Variants in COMT observed in about 807,000 individuals in gnomAD.
COMT encodes the protein catechol O-methyltransferase.
A neutral mutation model predicts 18.9 loss-of-function variants in COMT; 13 were observed. The ratio of observed to expected loss-of-function variants is 0.69; its 90% CI spans 0.45 to 1.09. The LOEUF is 1.09. COMT is among the 50% of genes least tolerant of loss of function. COMT has a pLI of 0.00. For missense variants in COMT, 329 were observed against 361.8 expected, an observed-to-expected ratio of 0.91 and a Z score of 0.73; for synonymous variants, 150 against 160.9, an observed-to-expected ratio of 0.93 and a Z score of 0.51.
At chr22:19,955,884 A>G (rs1387135141) in intron 1 of COMT, among the ~76,000 whole-genome samples, 1 of 152,192 alleles carries the variant, frequency 6.6e-6, no homozygotes, top group Non-Finnish European at 1.5e-5. Flanking sequence ...GCCATTTCAG[A>G]GCACAACCTG....
intron 1 of COMT, among the ~76,000 whole-genome samples, chr22:19,949,051 C>T (rs1015893919): frequency 9.9e-5 from 15 of 150,998 alleles, no homozygotes; most frequent in Admixed American, 4.0e-4. Context: ...GACCTCATAA[C>T]ATAAAATTTC....
At chr22:19,955,258 AGATGAGCGCGGGG>A (rs1454980496) in intron 1 of COMT, among the ~76,000 whole-genome samples, 71 of 152,304 alleles carry the variant, frequency 4.7e-4, no homozygotes, top group African/African-American at 1.6e-3. Flanking sequence ...CTGGGTCCAG[AGATGAGCGCGGGG>A]CCTGGCTGCA....
At chr22:19,968,487 T>G (rs758703641) in intron 5 of COMT, 49 bp from the exon 6 acceptor site, 17 of 1,577,256 alleles carry the variant, frequency 1.1e-5, no homozygotes, top group Non-Finnish European at 1.5e-5. Context: ...GGGCAGGTTC[T>G]CTGGGCACCT....
intron 1 of COMT, among the ~76,000 whole-genome samples, chr22:19,955,597 C>A (rs373922169): frequency 6.6e-6 from 1 of 152,244 alleles, no homozygotes; most frequent in Admixed American, 6.5e-5. Context: ...AGAGCTGCCC[C>A]GTGTGTAAAC....
At chr22:19,964,530 G>C in intron 5 of COMT, 1 of 675,992 alleles carries the variant, frequency 1.5e-6, no homozygotes, top group South Asian at 1.7e-5. Context: ...TTGGGAACTG[G>C]GGAGCCAGCT....
intron 1 of COMT, among the ~76,000 whole-genome samples, chr22:19,948,954 CA>C (rs71186636): frequency 5.7e-3 from 494 of 86,838 alleles, no homozygotes; most frequent in South Asian, 0.016. Context: ...GACTCTGTCT[CA>C]AAAAAAAAAA....
intron 1 of COMT, among the ~76,000 whole-genome samples, chr22:19,944,459 G>T (rs1010910173): frequency 6.6e-6 from 1 of 152,050 alleles, no homozygotes; most frequent in Non-Finnish European, 1.5e-5. Flanking sequence ...GAACTGGGAG[G>T]TGGGGGGCTG....
chr22:19,960,968 C>T (rs557371831), intron 1 of COMT, among the ~76,000 whole-genome samples: 1 of 152,344 alleles, frequency 6.6e-6, no homozygotes, highest in South Asian at 2.1e-4. Context: ...CAGGAGACTG[C>T]CCCTGGGGTC....
rs753104108 is a variant in COMT, at chr22:19,962,487, G to A, written c.1-40G>A. ...AAGGGGCGTGTGGGTGCTGCAGGAG[G>A]AGCACAGAGCACTGGCGCCCCTCCC... On this transcript the variant is annotated intron_variant, in intron 2 of 5. Transcript: ENST00000361682. The A allele has an allele frequency of 2.6e-6, 4 of 1,549,652 alleles. No individual in the cohort carries two copies. In the South Asian group the frequency reaches 4.7e-5, roughly 18 times the overall value.
intron 1 of COMT, among the ~76,000 whole-genome samples, chr22:19,954,278 G>A (rs188540887): frequency 6.7e-6 from 1 of 149,906 alleles, no homozygotes; most frequent in Admixed American, 6.6e-5. Flanking sequence ...GATACCAGGC[G>A]GGGGAGGCTA....
At chr22:19,960,816 G>A (rs943365559) in intron 1 of COMT, among the ~76,000 whole-genome samples, 1 of 152,242 alleles carries the variant, frequency 6.6e-6, no homozygotes, top group African/African-American at 2.4e-5. Context: ...TGGTAAACTA[G>A]CCCTTGGTCT....
chr22:19,958,466 CAT>C (rs1224039115), intron 1 of COMT, among the ~76,000 whole-genome samples: 3 of 151,242 alleles, frequency 2.0e-5, no homozygotes, highest in Admixed American at 6.6e-5. Flanking sequence ...GGTCTGACCA[CAT>C]GTTTAACTTT....
chr22:19,945,931 C>G (rs137931806), intron 1 of COMT, among the ~76,000 whole-genome samples: 1 of 152,130 alleles, frequency 6.6e-6, no homozygotes, highest in African/African-American at 2.4e-5. Flanking sequence ...TCCCAAAGTA[C>G]TGGGATTACA....
chr22:19,956,110 ATCTT>A (rs1450115183), intron 1 of COMT, among the ~76,000 whole-genome samples: 3 of 121,740 alleles, frequency 2.5e-5, no homozygotes, highest in African/African-American at 9.4e-5. Context: ...GTTTCTAGTT[ATCTT>A]TCTTTCTTTT....
chr22:19,960,340 A>G (rs1321422350), intron 1 of COMT, among the ~76,000 whole-genome samples: 1 of 152,234 alleles, frequency 6.6e-6, no homozygotes, highest in Non-Finnish European at 1.5e-5. Flanking sequence ...CATAGCAGAT[A>G]AATAATAGTA....
intron 1 of COMT, among the ~76,000 whole-genome samples, chr22:19,947,950 G>A (rs528022840): frequency 1.4e-4 from 21 of 152,304 alleles, no homozygotes; most frequent in Admixed American, 7.8e-4. Context: ...GCCCTGTCCG[G>A]GCATAACAGA....
At chr22:19,954,077 C>T (rs1299611580) in intron 1 of COMT, among the ~76,000 whole-genome samples, 2 of 152,220 alleles carry the variant, frequency 1.3e-5, no homozygotes, top group African/African-American at 4.8e-5. Context: ...AGTGCAGCCT[C>T]TTGCCTCTCT....
intron 1 of COMT, among the ~76,000 whole-genome samples, chr22:19,952,588 G>A (rs1159787118): frequency 1.6e-4 from 24 of 151,346 alleles, no homozygotes; most frequent in Admixed American, 1.5e-3. Flanking sequence ...GCAGTGAGCC[G>A]AGATTGCGCC....
rs1426955262 is a variant in COMT at position 19,969,737 on chromosome 22, T to C, written c.*1001T>C. The C allele has an allele frequency of 7.9e-6, 6 of 759,182 alleles. No homozygotes were observed. The highest frequency in any genetic ancestry group is 1.3e-4 in the East Asian group (1 of 7,710). 47.0% of individuals were successfully genotyped at this position (759,182 alleles called of 1,614,324 possible). A position where few individuals can be genotyped will look rare whatever the true frequency, so the allele number is the denominator to read the frequency against. ...GACCAGTGAGCCCAAGTGGACAAGT[T>C]TGGGGCCACCCAGGGACCAGAAACA... On this transcript the variant is annotated 3_prime_UTR_variant, in exon 6 of 6. Transcript: ENST00000361682.
Sources: gnomAD v4.1 joint callset for allele counts (sites outside exome capture counted in the v4.1 genomes callset) on GRCh38, gnomAD v4.1.1 for gene constraint, MANE v1.5 for transcripts, NCBI Gene and HGNC (gene_info 2026-07-23, HGNC 2026-07-21) for gene names.